Variants in SOD2 observed in about 807,000 individuals in gnomAD.
The protein encoded by SOD2 is superoxide dismutase 2.
SOD2 carries 11 observed loss-of-function variants against 27.0 expected under a neutral mutation model. The observed-to-expected ratio is 0.41, with a 90% CI of 0.26 to 0.67. The LOEUF is 0.67. Among genes scored for constraint, SOD2 ranks in the 30% least tolerant of loss-of-function variants. The pLI is 0.34. For synonymous variants in SOD2, 105 were observed against 103.0 expected (o/e 1.02, Z -0.12); for missense variants, 250 against 274.5 (o/e 0.91, Z 0.63).
At chr6:159,734,609 A>G (rs908965004) in intron 1 of SOD2, among the ~76,000 whole-genome samples, 1 of 152,186 alleles carries the variant, frequency 6.6e-6, no homozygotes, top group Non-Finnish European at 1.5e-5. Context: ...CCAAGAGTTC[A>G]AGACTAGCCT....
At chr6:159,745,995 C>G (rs563017396), upstream of SOD2, among the ~76,000 whole-genome samples, 58 of 152,194 alleles carry the variant, frequency 3.8e-4, no homozygotes, top group Middle Eastern at 0.01. Context: ...TAGGATAGAT[C>G]CTACAAAGAT....
At chr6:159,753,828 C>T (rs968966881) in intron 1 of SOD2, among the ~76,000 whole-genome samples, 9 of 152,080 alleles carry the variant, frequency 5.9e-5, no homozygotes, top group Admixed American at 5.2e-4. Flanking sequence ...CTTTATTGTT[C>T]AAAATTTCTT....
Position 159,679,722 on chromosome 6 carries a change from G to A in SOD2, c.*2771C>T, listed in dbSNP as rs1355690291. The A allele has an allele frequency of 1.3e-5, 2 of 152,204 alleles. No homozygotes were observed. Among genetic ancestry groups the A allele is most frequent in the Non-Finnish European group, 2.9e-5 (2 of 68,032 alleles). 9.4% of individuals were successfully genotyped at this position (152,204 alleles called of 1,614,324 possible). On this transcript the variant is annotated 3_prime_UTR_variant, in exon 5 of 5. Transcript: ENST00000538183. ...TCAGTCACAAAAACCCTTCTTGGAT[G>A]AACAATACTTGTTCTTTTCAGAAGA...
intron 1 of SOD2, among the ~76,000 whole-genome samples, chr6:159,703,846 A>C (rs1414074693): frequency 6.6e-6 from 1 of 152,262 alleles, no homozygotes; most frequent in Non-Finnish European, 1.5e-5. Context: ...TTTAATAGTT[A>C]TGATCAATAC....
intron 2 of SOD2, chr6:159,690,809 A>T (rs1681392845): frequency 6.6e-6 from 1 of 152,212 alleles, no homozygotes; most frequent in African/African-American, 2.4e-5. Context: ...TTTTAAAATT[A>T]ATAAAAATTG....
At chr6:159,699,579 G>T (rs1231878703) in intron 1 of SOD2, among the ~76,000 whole-genome samples, 1 of 151,952 alleles carries the variant, frequency 6.6e-6, no homozygotes, top group Non-Finnish European at 1.5e-5. Flanking sequence ...AAACAAACAT[G>T]GTCACTGCAT....
chr6:159,692,603 G>A (rs756680519), intron 2 of SOD2, 58 bp downstream of exon 2: 5 of 1,602,210 alleles, frequency 3.1e-6, no homozygotes, highest in East Asian at 4.5e-5. Context: ...TATGGGGCCT[G>A]GCTCCCTGGG....
chr6:159,721,584 T>C (rs1485559827), intron 1 of SOD2, among the ~76,000 whole-genome samples: 1 of 150,302 alleles, frequency 6.7e-6, no homozygotes, highest in East Asian at 2.0e-4. Context: ...GTCAGGCTGG[T>C]CTCGAACTCC....
At chr6:159,688,844 T>G (rs1442106101) in intron 2 of SOD2, among the ~76,000 whole-genome samples, 1 of 152,080 alleles carries the variant, frequency 6.6e-6, no homozygotes, top group African/African-American at 2.4e-5. Context: ...CAAAGCCAGC[T>G]CTACCTTTAA....
rs1277961697 is a variant in SOD2, at chr6:159,680,916, A to G, written c.*1577T>C. On this transcript the variant is annotated 3_prime_UTR_variant, in exon 5 of 5. Transcript: ENST00000538183. The stretch of plus-strand genomic sequence containing the variant: ...GCGCCACTGCACTCCAGCCTGGGCA[A>G]CAGAGCAAGACTCTGTCTCCAAAAA... 6.0e-5 allele frequency: 9 copies of G among 150,896 alleles called. No individual in the cohort carries two copies. The Admixed American group carries it at 6.0e-4, about 10-fold the overall frequency. The allele number at this position is 150,896 out of a possible 1,614,324, so 9.3% of individuals were successfully genotyped here.
intron 1 of SOD2, among the ~76,000 whole-genome samples, chr6:159,744,099 A>G (rs1779419711): frequency 6.6e-6 from 1 of 152,130 alleles, no homozygotes; most frequent in Non-Finnish European, 1.5e-5. Flanking sequence ...ATAAAAGAAC[A>G]TTTGCTCTTT....
intron 1 of SOD2, among the ~76,000 whole-genome samples, chr6:159,735,551 C>T (rs1172319454): frequency 6.6e-6 from 1 of 152,106 alleles, no homozygotes; most frequent in East Asian, 1.9e-4. Flanking sequence ...GAGTTCGAGA[C>T]CAGCCTGACC....
chr6:159,721,584 T>G (rs1485559827), intron 1 of SOD2, among the ~76,000 whole-genome samples: 1 of 150,302 alleles, frequency 6.7e-6, no homozygotes, highest in Non-Finnish European at 1.5e-5. Flanking sequence ...GTCAGGCTGG[T>G]CTCGAACTCC....
chr6:159,710,288 T>TATATAA (rs1323477194), intron 1 of SOD2, among the ~76,000 whole-genome samples: 16 of 147,838 alleles, frequency 1.1e-4, no homozygotes, highest in Admixed American at 4.1e-4. Context: ...TATATATATA[T>TATATAA]AAAATACAAA....
At chr6:159,748,153 T>C (rs768400133), upstream of SOD2, 1 of 1,582,120 alleles carries the variant, frequency 6.3e-7, no homozygotes, top group Non-Finnish European at 8.6e-7. The surrounding 1 kb of genome is among the most constrained non-coding windows in gnomAD (Gnocchi z 5.6). Flanking sequence ...GTATGTTTCC[T>C]TTGATTTGGT....
At chr6:159,735,476 C>T (rs114558476) in intron 1 of SOD2, among the ~76,000 whole-genome samples, 2,360 of 152,216 alleles carry the variant, frequency 0.016, 73 homozygotes, top group African/African-American at 0.053. Context: ...ATAGGATGGG[C>T]GTGGTGGTTC....
At chr6:159,732,886 A>AGAGTGTGTGT (rs1554263289) in intron 1 of SOD2, among the ~76,000 whole-genome samples, 4 of 146,380 alleles carry the variant, frequency 2.7e-5, no homozygotes, top group African/African-American at 1.0e-4. Context: ...ATATATATAT[A>AGAGTGTGTGT]GTGTGTGTGT....
At chr6:159,738,551 T>A (rs1779057581) in intron 1 of SOD2, among the ~76,000 whole-genome samples, 1 of 152,236 alleles carries the variant, frequency 6.6e-6, no homozygotes, top group Admixed American at 6.5e-5. Flanking sequence ...CATGTTTTCA[T>A]TTCTTTGAGA....
chr6:159,722,329 A>G (rs1209855105), intron 1 of SOD2, among the ~76,000 whole-genome samples: 1 of 152,216 alleles, frequency 6.6e-6, no homozygotes, highest in African/African-American at 2.4e-5. Flanking sequence ...GACTGCAGTG[A>G]GCCATGTTTG....
Sources: allele counts gnomAD v4.1 joint callset (sites outside exome capture counted in the v4.1 genomes callset), GRCh38; gene constraint gnomAD v4.1.1; non-coding constraint Gnocchi (gnomAD v3.1); transcripts MANE v1.5; gene names NCBI Gene and HGNC (gene_info 2026-07-23, HGNC 2026-07-21).